PPP1R16B: variants seen among roughly 807,000 people sequenced by gnomAD.
The protein encoded by PPP1R16B is protein phosphatase 1 regulatory inhibitor subunit 16B.
Under a neutral mutation model 61.7 loss-of-function variants are expected in PPP1R16B, and 14 were observed. The ratio of observed to expected loss-of-function variants is 0.23; its 90% CI spans 0.15 to 0.35. The LOEUF (loss-of-function observed/expected upper bound fraction) is 0.35, where lower values mean the gene tolerates loss of function less well. Among genes scored for constraint, PPP1R16B ranks in the 10% least tolerant of loss-of-function variants. The pLI is 1.00. For missense variants in PPP1R16B, 547 were observed against 752.5 expected (o/e 0.73, Z 3.19); for synonymous variants, 266 against 305.3 (o/e 0.87, Z 1.34).
At chr20:38,837,984 T>G (rs955563396) in intron 2 of PPP1R16B, 2 of 152,250 alleles carry the variant, frequency 1.3e-5, no homozygotes, top group African/African-American at 4.8e-5. Flanking sequence ...ACACCCATTT[T>G]ACAGATGGGG....
chr20:38,821,641 C>A (rs971219064), intron 1 of PPP1R16B, among the ~76,000 whole-genome samples: 4 of 152,156 alleles, frequency 2.6e-5, no homozygotes, highest in Non-Finnish European at 5.9e-5. Flanking sequence ...AGAGACACCA[C>A]CCAAAGAGGT....
chr20:38,821,373 T>C lies in PPP1R16B; in HGVS notation c.-101-14452T>C, dbSNP rs145526667. Among the ~76,000 whole-genome samples, 344 of 152,282 alleles carry C rather than the reference T, an allele frequency of 2.3e-3. 5 individuals carry two copies. The highest frequency in any genetic ancestry group is 7.9e-3 in the African/African-American group (328 of 41,554). On this transcript the variant is annotated intron_variant, in intron 1 of 10. Transcript: ENST00000299824. ...TTGGAGCAAATGGCTCCACCAGAAG[T>C]GATCTGGAAGCTAAGGGGGAAGCAC...
At chr20:38,890,209 A>G (rs2145760869) in intron 3 of PPP1R16B, among the ~76,000 whole-genome samples, 1 of 152,348 alleles carries the variant, frequency 6.6e-6, no homozygotes, top group South Asian at 2.1e-4. Flanking sequence ...ACTGGTCCCC[A>G]GCATTCAGTC....
chr20:38,907,756 G>C lies in PPP1R16B; in HGVS notation c.899-50G>C, dbSNP rs202024981. On this transcript the variant is annotated intron_variant, in intron 8 of 10. Transcript: ENST00000299824. The surrounding 1 kb of genome is among the most constrained non-coding windows in gnomAD (Gnocchi z 4.5). Reference sequence around the variant, plus strand: ...CCTCTGGTCTGGAGCACCCTCTTGCGCCACAGGTCCTGGCCCCGTCCCCCA... The same window carrying C: ...CCTCTGGTCTGGAGCACCCTCTTGCCCCACAGGTCCTGGCCCCGTCCCCCA... 1 of 1,603,228 alleles carries C rather than the reference G, an allele frequency of 6.2e-7. No individual in the cohort carries two copies. Among genetic ancestry groups the C allele is most frequent in the South Asian group, 1.1e-5 (1 of 90,122 alleles).
At chr20:38,876,072 G>A (rs539284851) in intron 2 of PPP1R16B, among the ~76,000 whole-genome samples, 9 of 149,034 alleles carry the variant, frequency 6.0e-5, no homozygotes, top group South Asian at 2.1e-4. Context: ...TCCCGGGTTC[G>A]GGCGATTCTC....
At chr20:38,816,886 C>T (rs2084739162) in intron 1 of PPP1R16B, among the ~76,000 whole-genome samples, 1 of 152,176 alleles carries the variant, frequency 6.6e-6, no homozygotes, top group Non-Finnish European at 1.5e-5. Flanking sequence ...TCCCAGGGCC[C>T]ACCCTCCTCC....
intron 2 of PPP1R16B, among the ~76,000 whole-genome samples, chr20:38,878,543 A>G (rs1040414845): frequency 1.3e-5 from 2 of 152,214 alleles, no homozygotes; most frequent in African/African-American, 2.4e-5. Flanking sequence ...TATGGAATCA[A>G]CCAGACTAGA....
chr20:38,872,058 A>T (rs558820854), intron 2 of PPP1R16B, among the ~76,000 whole-genome samples: 2 of 152,296 alleles, frequency 1.3e-5, no homozygotes, highest in Admixed American at 1.3e-4. Flanking sequence ...TGCACATTTC[A>T]AGTGCTCCCC....
intron 6 of PPP1R16B, among the ~76,000 whole-genome samples, chr20:38,903,532 A>ACCATCCAT (rs375386185): frequency 2.7e-3 from 395 of 145,386 alleles, no homozygotes; most frequent in Non-Finnish European, 4.1e-3. Flanking sequence ...GGTCCATCCA[A>ACCATCCAT]CCATCCATCC....
chr20:38,822,712 G>A (rs1364383221), intron 1 of PPP1R16B, among the ~76,000 whole-genome samples: 1 of 152,056 alleles, frequency 6.6e-6, no homozygotes, highest in African/African-American at 2.4e-5. Context: ...AAATAAATAG[G>A]ATTTAAATTA....
chr20:38,883,235 CTCCGT>C (rs2085215695), intron 2 of PPP1R16B, among the ~76,000 whole-genome samples: 1 of 152,238 alleles, frequency 6.6e-6, no homozygotes, highest in Non-Finnish European at 1.5e-5. Context: ...GCCTGGCTGT[CTCCGT>C]TTCCCCAGAG....
chr20:38,912,503 CAAAAA>C (rs58456397), intron 10 of PPP1R16B, among the ~76,000 whole-genome samples: 4 of 81,018 alleles, frequency 4.9e-5, no homozygotes, highest in Non-Finnish European at 2.6e-5. Flanking sequence ...TACCCCCCAC[CAAAAA>C]AAAAAAAAAA....
chr20:38,823,566 G>GGGA (rs2084785872), intron 1 of PPP1R16B, among the ~76,000 whole-genome samples: 1 of 152,050 alleles, frequency 6.6e-6, no homozygotes, highest in Non-Finnish European at 1.5e-5. Context: ...GCTTGAACCT[G>GGGA]GGAGGTTGAG....
intron 1 of PPP1R16B, among the ~76,000 whole-genome samples, chr20:38,825,655 A>G (rs1379053307): frequency 6.6e-6 from 1 of 152,134 alleles, no homozygotes; most frequent in African/African-American, 2.4e-5. Flanking sequence ...ATGCTTATCT[A>G]CCATGGATGC....
intron 2 of PPP1R16B, among the ~76,000 whole-genome samples, chr20:38,855,076 T>TAA (rs2084995410): frequency 6.6e-6 from 1 of 152,114 alleles, no homozygotes; most frequent in Non-Finnish European, 1.5e-5. Flanking sequence ...ATATATGACT[T>TAA]AAAGCCTGCT....
intron 1 of PPP1R16B, among the ~76,000 whole-genome samples, chr20:38,830,349 T>A (rs1159456321): frequency 6.6e-6 from 1 of 152,236 alleles, no homozygotes; most frequent in African/African-American, 2.4e-5. Flanking sequence ...TGTAAGATTA[T>A]TGCCACGAAG....
intron 2 of PPP1R16B, among the ~76,000 whole-genome samples, chr20:38,868,018 G>A (rs2085101873): frequency 6.6e-6 from 1 of 152,166 alleles, no homozygotes; most frequent in African/African-American, 2.4e-5. Context: ...TAAAATTGCA[G>A]TCCTGTGAGT....
chr20:38,842,438 A>G (rs1198250975), intron 2 of PPP1R16B, among the ~76,000 whole-genome samples: 2 of 152,202 alleles, frequency 1.3e-5, no homozygotes, highest in African/African-American at 2.4e-5. Flanking sequence ...TTCTCTCAGA[A>G]TGTGTAGGGT....
At chr20:38,810,185 G>A (rs2084691368) in intron 1 of PPP1R16B, among the ~76,000 whole-genome samples, 1 of 152,224 alleles carries the variant, frequency 6.6e-6, no homozygotes, top group African/African-American at 2.4e-5. Context: ...CTAGCCGGGA[G>A]AACAGCATGT....
Sources: allele counts gnomAD v4.1 joint callset (sites outside exome capture counted in the v4.1 genomes callset), GRCh38; gene constraint gnomAD v4.1.1; non-coding constraint Gnocchi (gnomAD v3.1); transcripts MANE v1.5; gene names NCBI Gene and HGNC (gene_info 2026-07-23, HGNC 2026-07-21).